Variants in HDX observed in about 807,000 individuals in gnomAD.
HDX encodes chromosome X open reading frame 43.
HDX carries 19 observed loss-of-function variants against 45.2 expected under a neutral mutation model. The ratio of observed to expected loss-of-function variants is 0.42; its 90% confidence interval spans 0.29 to 0.62. The LOEUF is 0.62. HDX is among the 20% of genes least tolerant of loss of function. HDX has a pLI of 0.20. For synonymous variants in HDX, 188 were observed against 172.8 expected, an observed-to-expected ratio of 1.09 and a Z score of -0.69; for missense variants, 532 against 493.9, an observed-to-expected ratio of 1.08 and a Z score of -0.73.
At chrX:84,476,906 G>A (rs918016575) in intron 2 of HDX, among the ~76,000 whole-genome samples, 2 of 111,687 alleles carry the variant, frequency 1.8e-5, no homozygotes, top group Non-Finnish European at 1.9e-5. Context: ...AAAGATGAGA[G>A]TAAAGTTTCT....
At chrX:84,461,402 C>T (rs2063237632) in intron 4 of HDX, among the ~76,000 whole-genome samples, 1 of 110,662 alleles carries the variant, frequency 9.0e-6, no homozygotes. Flanking sequence ...GACAATATTG[C>T]CAAGAACATA....
At chrX:84,496,962 C>T (rs1400214831) in intron 1 of HDX, among the ~76,000 whole-genome samples, 3 of 111,264 alleles carry the variant, frequency 2.7e-5, no homozygotes, top group Non-Finnish European at 5.7e-5. Context: ...AGGGAGTAAC[C>T]TGATGGAAAA....
intron 9 of HDX, among the ~76,000 whole-genome samples, chrX:84,331,272 T>C (rs945709219): frequency 9.0e-6 from 1 of 111,330 alleles, no homozygotes; most frequent in African/African-American, 3.3e-5. Flanking sequence ...CCAAAATGAG[T>C]ATGGATGGTT....
chrX:84,500,234 G>A (rs1314227009), intron 1 of HDX: 2 of 110,307 alleles, frequency 1.8e-5, no homozygotes, highest in Non-Finnish European at 1.9e-5. Flanking sequence ...CCTGACCAAC[G>A]ATGAATAAGC....
intron 4 of HDX, among the ~76,000 whole-genome samples, chrX:84,442,081 A>C (rs367992672): frequency 9.0e-6 from 1 of 111,116 alleles, no homozygotes; most frequent in Non-Finnish European, 1.9e-5. Context: ...GTCTGGACTT[A>C]ACTATGCTTT....
intron 4 of HDX, among the ~76,000 whole-genome samples, chrX:84,454,342 C>A (rs2040066505): frequency 9.0e-6 from 1 of 111,350 alleles, no homozygotes; most frequent in Non-Finnish European, 1.9e-5. Flanking sequence ...GAGGGGATCC[C>A]ATTACCTTGA....
chrX:84,327,956 G>A (rs1384703338), intron 9 of HDX, among the ~76,000 whole-genome samples: 1 of 109,766 alleles, frequency 9.1e-6, no homozygotes, highest in Non-Finnish European at 1.9e-5. Flanking sequence ...CTAGACTACA[G>A]GTATGCACCA....
chrX:84,448,265 G>A (rs766421246), intron 4 of HDX, among the ~76,000 whole-genome samples: 5 of 111,455 alleles, frequency 4.5e-5, no homozygotes, highest in African/African-American at 1.6e-4. Context: ...CATCACTCAG[G>A]CCACATTGCT....
intron 7 of HDX, among the ~76,000 whole-genome samples, chrX:84,342,758 G>A (rs1237149230): frequency 9.0e-6 from 1 of 110,947 alleles, no homozygotes; most frequent in African/African-American, 3.3e-5. Context: ...GCAAATGTGG[G>A]GGTATATTTA....
chrX:84,403,972 T>C (rs984601054), intron 5 of HDX: 3 of 111,090 alleles, frequency 2.7e-5, no homozygotes, highest in Admixed American at 9.7e-5. Context: ...TGGTGAGTAG[T>C]GCATGGCTAG....
intron 2 of HDX, among the ~76,000 whole-genome samples, chrX:84,476,323 A>G (rs1424752179): frequency 1.8e-5 from 2 of 110,561 alleles, no homozygotes; most frequent in Non-Finnish European, 3.8e-5. Context: ...GTTAATCCCA[A>G]AAGTTGACAG....
chrX:84,379,546 A>G (rs1224472098), intron 5 of HDX, among the ~76,000 whole-genome samples: 5 of 111,816 alleles, frequency 4.5e-5, no homozygotes, highest in Non-Finnish European at 9.4e-5. Context: ...TCTGACCACA[A>G]ATGAATAAAA....
chrX:84,484,396 T>C (rs1054351092), intron 2 of HDX, among the ~76,000 whole-genome samples: 7 of 111,656 alleles, frequency 6.3e-5, no homozygotes, highest in Admixed American at 1.9e-4. Context: ...CTTCACATGA[T>C]GGCAAGAAAG....
At chrX:84,351,932 T>C (rs781529263) in intron 6 of HDX, among the ~76,000 whole-genome samples, 2 of 112,324 alleles carry the variant, frequency 1.8e-5, no homozygotes, top group Non-Finnish European at 3.8e-5. Flanking sequence ...CCACTTTATA[T>C]GACTCGAATT....
At chrX:84,486,220 AT>A (rs1416337112) in intron 2 of HDX, among the ~76,000 whole-genome samples, 1 of 110,399 alleles carries the variant, frequency 9.1e-6, no homozygotes. Flanking sequence ...GTACATATCT[AT>A]TTTTTCTTTT....
chrX:84,408,754 A>T (rs139954625), intron 5 of HDX, among the ~76,000 whole-genome samples: 146 of 108,801 alleles, frequency 1.3e-3, no homozygotes, highest in Middle Eastern at 4.7e-3. Context: ...AGTGTTTTGT[A>T]CTTCTCTGTG....
intron 1 of HDX, among the ~76,000 whole-genome samples, chrX:84,493,774 T>TTTG (rs2040942556): frequency 5.4e-5 from 6 of 111,646 alleles, no homozygotes; most frequent in Non-Finnish European, 1.1e-4. Flanking sequence ...TCAGAAAGAA[T>TTTG]AAGTACCTAG....
intron 5 of HDX, among the ~76,000 whole-genome samples, chrX:84,383,004 TA>T (rs758086386): frequency 3.0e-4 from 33 of 110,822 alleles, no homozygotes; most frequent in Middle Eastern, 4.6e-3. Context: ...AAATTAAATA[TA>T]AAAAAAATTC....
At chrX:84,406,030 A>T (rs1181402122) in intron 5 of HDX, among the ~76,000 whole-genome samples, 2 of 110,701 alleles carry the variant, frequency 1.8e-5, no homozygotes, top group Admixed American at 9.7e-5. Flanking sequence ...AGCCGCCAGT[A>T]TTTACCAAAC....
Sources: allele counts gnomAD v4.1 joint callset (sites outside exome capture counted in the v4.1 genomes callset), GRCh38; gene constraint gnomAD v4.1.1; transcripts MANE v1.5; gene names NCBI Gene and HGNC (gene_info 2026-07-23, HGNC 2026-07-21).